Variants in TAF3 observed in about 807,000 individuals in gnomAD.
The protein encoded by TAF3 is TATA-box binding protein associated factor 3.
TAF3 carries 7 observed loss-of-function variants against 80.6 expected under a neutral mutation model. The ratio of observed to expected loss-of-function variants is 0.09; its 90% CI spans 0.05 to 0.16. TAF3 has a LOEUF of 0.16. Ranked by LOEUF, TAF3 falls within the 10% of genes least tolerant of loss-of-function variation. The probability of loss-of-function intolerance (pLI) is 1.00; values close to 1 mark genes in which losing one functional copy is unlikely to be tolerated. For missense variants in TAF3, 921 were observed against 1,140.2 expected, an observed-to-expected ratio of 0.81 and a Z score of 2.77; for synonymous variants, 444 against 446.1, an observed-to-expected ratio of 1.00 and a Z score of 0.06.
At chr10:7,908,686 G>A (rs1772098495) in intron 2 of TAF3, among the ~76,000 whole-genome samples, 1 of 152,194 alleles carries the variant, frequency 6.6e-6, no homozygotes, top group South Asian at 2.1e-4. Context: ...ACATAATGAG[G>A]CAGAAGCTGA....
At chr10:7,972,473 G>A (rs894596700) in intron 3 of TAF3, among the ~76,000 whole-genome samples, 4 of 152,106 alleles carry the variant, frequency 2.6e-5, no homozygotes, top group African/African-American at 9.7e-5. Context: ...TCCCAGTTAT[G>A]TGGTATAATT....
At chr10:7,943,275 C>T (rs1448391009) in intron 2 of TAF3, among the ~76,000 whole-genome samples, 1 of 152,154 alleles carries the variant, frequency 6.6e-6, no homozygotes, top group Non-Finnish European at 1.5e-5. Context: ...CTGGCTCCTA[C>T]GCATCACGTT....
chr10:7,846,643 A>G (rs1360503832), intron 2 of TAF3, among the ~76,000 whole-genome samples: 1 of 152,194 alleles, frequency 6.6e-6, no homozygotes, highest in Non-Finnish European at 1.5e-5. Context: ...ATCATTTAAA[A>G]AAACTGAAAA....
intron 3 of TAF3, among the ~76,000 whole-genome samples, chr10:7,974,884 GC>G (rs892265249): frequency 1.3e-5 from 2 of 151,942 alleles, no homozygotes; most frequent in Non-Finnish European, 2.9e-5. Flanking sequence ...GACCACCCTG[GC>G]CAACACGGTG....
intron 2 of TAF3, among the ~76,000 whole-genome samples, chr10:7,844,464 C>T (rs1012312140): frequency 6.6e-6 from 1 of 151,498 alleles, no homozygotes; most frequent in African/African-American, 2.4e-5. Context: ...GCAACCTCCG[C>T]CTCCTGGGTT....
intron 4 of TAF3, among the ~76,000 whole-genome samples, chr10:7,997,122 A>G (rs943291814): frequency 1.3e-4 from 20 of 152,218 alleles, no homozygotes; most frequent in Non-Finnish European, 2.9e-5. Flanking sequence ...ATGTTTTTTC[A>G]TCGACCTGAT....
chr10:7,870,381 T>G (rs772067011), intron 2 of TAF3, among the ~76,000 whole-genome samples: 1 of 152,248 alleles, frequency 6.6e-6, no homozygotes, highest in Admixed American at 6.5e-5. Flanking sequence ...TTTTTACTTA[T>G]AGTTAATTCT....
chr10:7,833,217 TACTC>T (rs1185799794), intron 2 of TAF3, among the ~76,000 whole-genome samples: 4 of 152,220 alleles, frequency 2.6e-5, no homozygotes, highest in African/African-American at 7.2e-5. Flanking sequence ...TTTGGGTAAA[TACTC>T]AGGAGTGGGG....
intron 2 of TAF3, among the ~76,000 whole-genome samples, chr10:7,950,084 T>C (rs1465776353): frequency 6.6e-6 from 1 of 152,178 alleles, no homozygotes; most frequent in Non-Finnish European, 1.5e-5. Context: ...CCTGTAATGG[T>C]GGTTTAGCAG....
At chr10:7,973,791 T>C (rs990488316) in intron 3 of TAF3, among the ~76,000 whole-genome samples, 2 of 152,192 alleles carry the variant, frequency 1.3e-5, no homozygotes, top group African/African-American at 4.8e-5. Context: ...GACTGGACCA[T>C]TTGTTTTCAG....
rs574903510 is a variant in TAF3 at position 7,980,524 on chromosome 10, C to T, written c.2315+3201C>T. Among the ~76,000 whole-genome samples, 5 of 152,306 alleles carry T rather than the reference C, an allele frequency of 3.3e-5. No homozygotes were observed. The South Asian group carries it at 1.0e-3, about 32-fold the overall frequency. On this transcript the variant is annotated intron_variant, in intron 4 of 6. Coordinates refer to ENST00000344293, the MANE Select transcript of TAF3 (RefSeq NM_031923.4). ...TAGTGTTAAAATTCAAGATGACTTT[C>T]CAAGGACCTCAGATTCCTTTAACAG...
rs1246856237 is a variant in TAF3, at chr10:8,014,806, C to T, written c.*55C>T. ...TCAGCCCGGGCTTCTTCCCTGGCGC[C>T]TCTGGAAGGGAGCTGGTGCAAGTCT... On this transcript the variant is annotated 3_prime_UTR_variant, in exon 7 of 7. Coordinates refer to ENST00000344293, the MANE Select transcript of TAF3 (RefSeq NM_031923.4). 1 of 1,458,034 alleles carries T rather than the reference C, an allele frequency of 6.9e-7. No homozygotes were observed. The highest frequency in any genetic ancestry group is 1.4e-5 in the African/African-American group (1 of 70,452). The allele number at this position is 1,458,034 out of a possible 1,614,324, so 90.3% of individuals were successfully genotyped here.
At chr10:7,923,693 A>G (rs1387782870) in intron 2 of TAF3, among the ~76,000 whole-genome samples, 3 of 151,998 alleles carry the variant, frequency 2.0e-5, no homozygotes, top group African/African-American at 4.8e-5. Flanking sequence ...TTTTTTGAAA[A>G]GAGTACCTCC....
At chr10:7,863,426 G>C (rs1202377328) in intron 2 of TAF3, among the ~76,000 whole-genome samples, 2 of 151,038 alleles carry the variant, frequency 1.3e-5, no homozygotes, top group Non-Finnish European at 3.0e-5. Flanking sequence ...GCCTGGCCAG[G>C]ATGGTGAAAC....
At chr10:8,011,789 G>A (rs1832058649) in intron 5 of TAF3, among the ~76,000 whole-genome samples, 2 of 152,174 alleles carry the variant, frequency 1.3e-5, no homozygotes, top group African/African-American at 4.8e-5. Context: ...TAATCTCTGT[G>A]GCATGTTCTA....
intron 2 of TAF3, among the ~76,000 whole-genome samples, chr10:7,865,019 G>C (rs1283571820): frequency 6.6e-6 from 1 of 152,110 alleles, no homozygotes; most frequent in Non-Finnish European, 1.5e-5. Flanking sequence ...ATTGCTATGG[G>C]AGAAGCTTGG....
At chr10:7,981,291 G>A (rs894871038) in intron 4 of TAF3, among the ~76,000 whole-genome samples, 8 of 151,982 alleles carry the variant, frequency 5.3e-5, no homozygotes, top group African/African-American at 1.4e-4. Flanking sequence ...CCTTGCCCTC[G>A]GGCAGTGGGT....
At chr10:7,982,089 A>G (rs1050291253) in intron 4 of TAF3, among the ~76,000 whole-genome samples, 1 of 152,342 alleles carries the variant, frequency 6.6e-6, no homozygotes, top group Non-Finnish European at 1.5e-5. Context: ...CAACAGAGTG[A>G]AGCTTGCAGT....
intron 2 of TAF3, among the ~76,000 whole-genome samples, chr10:7,887,156 C>T (rs760175135): frequency 7.9e-5 from 12 of 151,144 alleles, no homozygotes; most frequent in South Asian, 2.1e-4. Context: ...TGCTTGAACC[C>T]GGGAGGTGGA....
Sources: allele counts gnomAD v4.1 joint callset (sites outside exome capture counted in the v4.1 genomes callset), GRCh38; gene constraint gnomAD v4.1.1; transcripts MANE v1.5; gene names NCBI Gene and HGNC (gene_info 2026-07-23, HGNC 2026-07-21).